SLCO6A1: variants seen among roughly 807,000 people sequenced by gnomAD.
The protein encoded by SLCO6A1 is solute carrier organic anion transporter family member 6A1, also known as cancer/testis antigen 48.
In SLCO6A1, 65 loss-of-function variants were observed where a neutral mutation model predicts 72.7. The ratio of observed to expected loss-of-function variants is 0.89; its 90% CI spans 0.73 to 1.10. The LOEUF is 1.10. Among genes scored for constraint, SLCO6A1 ranks in the 50% least tolerant of loss-of-function variants. SLCO6A1 has a pLI of 0.00. For missense variants in SLCO6A1, 874 were observed against 872.6 expected (o/e 1.00, Z -0.02); for synonymous variants, 314 against 298.2 (o/e 1.05, Z -0.55).
intron 5 of SLCO6A1, 44 bp from the exon 6 acceptor site, chr5:102,458,535 C>T (rs1750862294): frequency 2.2e-6 from 3 of 1,386,142 alleles, no homozygotes; most frequent in African/African-American, 2.9e-5. Context: ...ATTCAAATAA[C>T]TAAAACCCAT....
At chr5:102,378,209 T>C (rs144310207) in intron 12 of SLCO6A1, among the ~76,000 whole-genome samples, 215 of 152,160 alleles carry the variant, frequency 1.4e-3, no homozygotes, top group African/African-American at 4.7e-3. Context: ...GTGGCACATA[T>C]ACACCATGGA....
At chr5:102,425,804 C>G (rs10074939) in intron 7 of SLCO6A1, among the ~76,000 whole-genome samples, 1 of 151,896 alleles carries the variant, frequency 6.6e-6, no homozygotes, top group Non-Finnish European at 1.5e-5. Context: ...AGAGCCCATA[C>G]AGCCAAGACA....
chr5:102,383,532 T>C (rs2112493796), intron 12 of SLCO6A1, among the ~76,000 whole-genome samples: 1 of 151,896 alleles, frequency 6.6e-6, no homozygotes, highest in South Asian at 2.1e-4. Flanking sequence ...CCTTGCACCT[T>C]AGGGATAAAT....
chr5:102,480,404 A>T lies in SLCO6A1; in HGVS notation c.389T>A (p.Ile130Asn). The T allele has an allele frequency of 6.2e-7, 1 of 1,613,484 alleles. No homozygotes were observed. The highest frequency in any genetic ancestry group is 8.5e-7 in the Non-Finnish European group (1 of 1,179,668). ...TTGATATTCCTTCTGAAAATCGCCAATGCTGACATCTATAAGACCAAACAC... is the reference window on the plus strand; with the variant it reads ...TTGATATTCCTTCTGAAAATCGCCATTGCTGACATCTATAAGACCAAACAC... ...GVVFGLIDVS[I>N]GDFQKEYQLK... Residue 130 changes from isoleucine to asparagine, a missense_variant, in exon 2 of 14, where the codon ATT becomes AAT. Transcript: ENST00000506729.
chr5:102,392,226 T>C (rs1452061), intron 10 of SLCO6A1, among the ~76,000 whole-genome samples: 94,237 of 151,756 alleles, frequency 0.62, 29,490 homozygotes, highest in Non-Finnish European at 0.64. Context: ...CTTCCTCATA[T>C]ATTTACTATT....
At chr5:102,385,826 C>CTTTTTTTTTTTTTTTTTT (rs57983218) in intron 12 of SLCO6A1, among the ~76,000 whole-genome samples, 1 of 121,216 alleles carries the variant, frequency 8.2e-6, no homozygotes. Flanking sequence ...CCTGTTTTTC[C>CTTTTTTTTTTTTTTTTTT]TTTTTTTTTT....
chr5:102,373,720 C>T (rs1382404358), intron 12 of SLCO6A1, among the ~76,000 whole-genome samples: 1 of 152,038 alleles, frequency 6.6e-6, no homozygotes, highest in African/African-American at 2.4e-5. Context: ...ACCCCCTTCC[C>T]AAGTGCAAGG....
At chr5:102,493,042 T>G (rs1416712149) in intron 1 of SLCO6A1, among the ~76,000 whole-genome samples, 2 of 152,174 alleles carry the variant, frequency 1.3e-5, no homozygotes, top group African/African-American at 2.4e-5. Context: ...ATTGTGCACA[T>G]GTACCCTAGA....
intron 7 of SLCO6A1, among the ~76,000 whole-genome samples, chr5:102,430,299 T>G (rs890861467): frequency 6.6e-6 from 1 of 152,152 alleles, no homozygotes; most frequent in African/African-American, 2.4e-5. Flanking sequence ...CTTCATTTCT[T>G]TCTCTTGTCT....
At chr5:102,481,252 C>G (rs1331736199) in intron 1 of SLCO6A1, among the ~76,000 whole-genome samples, 1 of 151,978 alleles carries the variant, frequency 6.6e-6, no homozygotes, top group Non-Finnish European at 1.5e-5. Context: ...GGCAGGAAGC[C>G]AGGAGCCCAC....
intron 12 of SLCO6A1, among the ~76,000 whole-genome samples, chr5:102,381,226 C>G (rs769952010): frequency 1.3e-5 from 2 of 151,810 alleles, no homozygotes; most frequent in East Asian, 1.9e-4. Context: ...CAATATCTCT[C>G]ATTTCCCATT....
chr5:102,435,250 A>G (rs1489313577), intron 7 of SLCO6A1, among the ~76,000 whole-genome samples: 1 of 152,228 alleles, frequency 6.6e-6, no homozygotes, highest in African/African-American at 2.4e-5. Context: ...CCTGAAAAGA[A>G]TGTGAAGTAA....
In SLCO6A1 at chr5:102,480,423, CA is replaced by C. The variant is rs1412718586; in HGVS notation, c.369del (p.Phe123LeufsTer4). The C allele has an allele frequency of 6.2e-7, 1 of 1,609,516 alleles. No individual in the cohort carries two copies. The highest frequency in any genetic ancestry group is 8.5e-7 in the Non-Finnish European group (1 of 1,178,196). On this transcript the variant is annotated frameshift_variant, in exon 2 of 14. Coordinates refer to ENST00000506729, the MANE Select transcript of SLCO6A1 (RefSeq NM_173488.5). LOFTEE classifies it high-confidence loss of function. ...TCGCCAATGCTGACATCTATAAGAC[CA>C]AACACCACACCTAAAATGTAAAAAG... ...CILLICQGVVFGLIDVSIGDF... is the reference protein window; with the variant it reads ...CILLICQGVVXGLIDVSIGDF...
At position 102,459,788 on chromosome 5, in the gene SLCO6A1, G is replaced by C; in HGVS notation, c.900-11C>G. ...TTATTGACTGTAGTGCTTTAATAAA[G>C]AAAAGTGAAAAAAAAAAGCAACTTT... On this transcript the variant is annotated splice_polypyrimidine_tract_variant and intron_variant, in intron 4 of 13. Coordinates refer to ENST00000506729, the MANE Select transcript of SLCO6A1 (RefSeq NM_173488.5). 1 of 1,500,012 alleles carries C rather than the reference G, an allele frequency of 6.7e-7. No homozygotes were observed. 92.9% of individuals were successfully genotyped at this position (1,500,012 alleles called of 1,614,324 possible).
chr5:102,397,075 T>C (rs1747126969), intron 10 of SLCO6A1, among the ~76,000 whole-genome samples: 1 of 152,192 alleles, frequency 6.6e-6, no homozygotes, highest in African/African-American at 2.4e-5. Context: ...TTTTCTTCTG[T>C]TCTGTGGCCA....
chr5:102,452,594 A>G (rs923389369), intron 6 of SLCO6A1, among the ~76,000 whole-genome samples: 1 of 152,126 alleles, frequency 6.6e-6, no homozygotes, highest in Non-Finnish European at 1.5e-5. Context: ...CTACTTTAAA[A>G]CTATTAAAAT....
At chr5:102,469,545 AAGG>A (rs1304848495) in intron 4 of SLCO6A1, among the ~76,000 whole-genome samples, 1 of 152,172 alleles carries the variant, frequency 6.6e-6, no homozygotes, top group African/African-American at 2.4e-5. Flanking sequence ...TTATCAGCTT[AAGG>A]AGATTTTGGG....
intron 6 of SLCO6A1, among the ~76,000 whole-genome samples, chr5:102,453,092 T>A (rs1750512567): frequency 1.3e-5 from 2 of 152,158 alleles, no homozygotes; most frequent in South Asian, 4.1e-4. Context: ...GGTTATGTAG[T>A]CCCCCTAATT....
At position 102,396,804 on chromosome 5, in the gene SLCO6A1, A is replaced by G. The variant is rs561380887; in HGVS notation, c.1814+2751T>C. 5.9e-5 allele frequency among the ~76,000 whole-genome samples: 9 copies of G among 152,266 alleles called. No individual in the cohort carries two copies. The East Asian group carries it at 1.7e-3, about 29-fold the overall frequency. On this transcript the variant is annotated intron_variant, in intron 10 of 13. Coordinates refer to ENST00000506729, the MANE Select transcript of SLCO6A1 (RefSeq NM_173488.5). ...ACATCTTATATAAATGTAACACAATATACACCTTCTGGCTGGTGGGTACTC... is the reference window on the plus strand; with the variant it reads ...ACATCTTATATAAATGTAACACAATGTACACCTTCTGGCTGGTGGGTACTC...
Sources: allele counts gnomAD v4.1 joint callset (sites outside exome capture counted in the v4.1 genomes callset), GRCh38; gene constraint gnomAD v4.1.1; transcripts MANE v1.5; gene names NCBI Gene and HGNC (gene_info 2026-07-23, HGNC 2026-07-21).